The following SCAI variants were observed in gnomAD, a reference collection of about 807,000 sequenced individuals.
SCAI encodes the protein suppressor of cancer cell invasion.
SCAI carries 24 observed loss-of-function variants against 92.2 expected under a neutral mutation model. That is an observed-to-expected ratio of 0.26 (90% CI 0.19 to 0.37). The LOEUF (loss-of-function observed/expected upper bound fraction) is 0.37, where lower values mean the gene tolerates loss of function less well. SCAI is among the 10% of genes least tolerant of loss of function. The pLI is 1.00. For synonymous variants in SCAI, 261 were observed against 258.6 expected, an observed-to-expected ratio of 1.01 and a Z score of -0.09; for missense variants, 450 against 736.2, an observed-to-expected ratio of 0.61 and a Z score of 4.50.
At chr9:125,108,043 G>A (rs567559461) in intron 2 of SCAI, among the ~76,000 whole-genome samples, 8 of 152,254 alleles carry the variant, frequency 5.3e-5, no homozygotes, top group East Asian at 3.9e-4. Flanking sequence ...TGTGTTGGCC[G>A]GGCTGGTCTC....
At chr9:125,099,850 T>C (rs1307973345) in intron 2 of SCAI, among the ~76,000 whole-genome samples, 1 of 152,280 alleles carries the variant, frequency 6.6e-6, no homozygotes, top group Admixed American at 6.5e-5. Flanking sequence ...ATCCATGTTG[T>C]AGCATGTGTC....
chr9:125,073,092 A>ATTTTTCTT (rs1834010241), intron 2 of SCAI, among the ~76,000 whole-genome samples: 1 of 72,448 alleles, frequency 1.4e-5, no homozygotes, highest in Non-Finnish European at 2.7e-5. Context: ...TCTATTTTTA[A>ATTTTTCTT]TTTTTTTTTT....
intron 15 of SCAI, 34 bp from the exon 16 acceptor site, chr9:124,971,878 T>C (rs754923314): frequency 7.8e-6 from 11 of 1,415,842 alleles, no homozygotes; most frequent in Middle Eastern, 3.7e-4. Context: ...ATATAGACAA[T>C]AGTTTTGCAA....
At chr9:125,004,670 T>A (rs1414669754) in intron 9 of SCAI, among the ~76,000 whole-genome samples, 1 of 142,620 alleles carries the variant, frequency 7.0e-6, no homozygotes, top group Non-Finnish European at 1.5e-5. Context: ...ATAGTAATCC[T>A]TGCTACATGA....
chr9:125,036,180 T>C (rs896849619), intron 3 of SCAI, among the ~76,000 whole-genome samples: 1 of 152,010 alleles, frequency 6.6e-6, no homozygotes, highest in Non-Finnish European at 1.5e-5. Context: ...AAATGAATAA[T>C]GGGAAAACCG....
At chr9:125,027,712 G>T (rs374881512) in intron 5 of SCAI, among the ~76,000 whole-genome samples, 40 of 152,140 alleles carry the variant, frequency 2.6e-4, no homozygotes, top group African/African-American at 8.9e-4. Context: ...TAGTAGAGAC[G>T]GGGTTTCACT....
In SCAI at chr9:124,942,838, C is replaced by A. The variant is rs1831080173; in HGVS notation, c.*9969G>T. On this transcript the variant is annotated 3_prime_UTR_variant, in exon 18 of 18. Coordinates refer to ENST00000336505, the MANE Select transcript of SCAI (RefSeq NM_001144877.3). ...ACGTTTCAGTTTTCATCCTCTAGTACTGAAGTGCCCTCAAGGTGGTAGGCA... is the reference window on the plus strand; with the variant it reads ...ACGTTTCAGTTTTCATCCTCTAGTAATGAAGTGCCCTCAAGGTGGTAGGCA... 1 of 152,178 alleles carries A rather than the reference C, an allele frequency of 6.6e-6. No homozygotes were observed. Among genetic ancestry groups the A allele is most frequent in the African/African-American group, 2.4e-5 (1 of 41,442 alleles). The allele number at this position is 152,178 out of a possible 1,614,324, so 9.4% of individuals were successfully genotyped here.
chr9:124,957,625 C>T (rs1439776423), intron 17 of SCAI, among the ~76,000 whole-genome samples: 2 of 150,956 alleles, frequency 1.3e-5, no homozygotes, highest in African/African-American at 2.4e-5. Flanking sequence ...CCGCCTCTGC[C>T]TCCCAAAGTG....
intron 2 of SCAI, among the ~76,000 whole-genome samples, chr9:125,062,186 C>A (rs977146394): frequency 6.6e-6 from 1 of 151,122 alleles, no homozygotes; most frequent in Admixed American, 6.6e-5. Flanking sequence ...TGTGCAGTGG[C>A]GTGATCATGG....
chr9:124,948,515 G>A lies in SCAI; in HGVS notation c.*4292C>T, dbSNP rs1028065640. 5.3e-5 allele frequency: 8 copies of A among 152,312 alleles called. No individual in the cohort carries two copies. Among genetic ancestry groups the A allele is most frequent in the Admixed American group, 2.0e-4 (3 of 15,306 alleles). The allele number at this position is 152,312 out of a possible 1,614,324, so 9.4% of individuals were successfully genotyped here. On this transcript the variant is annotated 3_prime_UTR_variant, in exon 18 of 18. Transcript: ENST00000336505. ...TATTCTTTCTTGTTCATTATAGAAA[G>A]CAGTCTGAGCTACTGAGAAGACTGG...
intron 15 of SCAI, among the ~76,000 whole-genome samples, chr9:124,975,907 T>C (rs931522339): frequency 6.6e-6 from 1 of 152,176 alleles, no homozygotes; most frequent in Non-Finnish European, 1.5e-5. Context: ...CAGGGATGAA[T>C]TATTTCAAGG....
chr9:124,996,786 C>T (rs1003936667), intron 13 of SCAI, among the ~76,000 whole-genome samples: 10 of 152,018 alleles, frequency 6.6e-5, no homozygotes, highest in African/African-American at 2.4e-4. Flanking sequence ...CATGCCACCA[C>T]ACCCGGCTAA....
chr9:125,073,355 C>T (rs1834020797), intron 2 of SCAI, among the ~76,000 whole-genome samples: 1 of 151,712 alleles, frequency 6.6e-6, no homozygotes, highest in Non-Finnish European at 1.5e-5. Context: ...CCACCCGCCT[C>T]GGCCTCCCAA....
At chr9:125,038,806 T>C (rs1395289137) in intron 3 of SCAI, among the ~76,000 whole-genome samples, 1 of 152,234 alleles carries the variant, frequency 6.6e-6, no homozygotes, top group Non-Finnish European at 1.5e-5. Flanking sequence ...TGTCTAAGTA[T>C]CAGTTCTACT....
At chr9:124,959,618 T>C (rs1242372741) in intron 17 of SCAI, among the ~76,000 whole-genome samples, 1 of 151,852 alleles carries the variant, frequency 6.6e-6, no homozygotes, top group East Asian at 1.9e-4. Flanking sequence ...ATGTGCCATG[T>C]TGGTGTGCTG....
At chr9:125,001,854 G>A in intron 12 of SCAI, 111 bp downstream of exon 12, 1 of 647,936 alleles carries the variant, frequency 1.5e-6, no homozygotes, top group Non-Finnish European at 2.7e-6. Flanking sequence ...TTTCAAATTT[G>A]GAAGTCTGTC....
chr9:124,992,295 T>C (rs1038549531), intron 14 of SCAI, among the ~76,000 whole-genome samples: 4 of 152,076 alleles, frequency 2.6e-5, no homozygotes, highest in African/African-American at 9.7e-5. Context: ...TTAAATTAAA[T>C]GTAGTAAGTA....
At chr9:125,106,440 T>G (rs989039974) in intron 2 of SCAI, among the ~76,000 whole-genome samples, 1 of 151,836 alleles carries the variant, frequency 6.6e-6, no homozygotes, top group Non-Finnish European at 1.5e-5. Context: ...TTGGCACATG[T>G]AAACTGCTGC....
chr9:125,123,842 G>A (rs960058794), intron 2 of SCAI, among the ~76,000 whole-genome samples: 7 of 152,196 alleles, frequency 4.6e-5, no homozygotes, highest in East Asian at 3.8e-4. Context: ...AGGAAACCAC[G>A]TGTGAGCACC....
Sources: allele counts gnomAD v4.1 joint callset (sites outside exome capture counted in the v4.1 genomes callset), GRCh38; gene constraint gnomAD v4.1.1; transcripts MANE v1.5; gene names NCBI Gene and HGNC (gene_info 2026-07-23, HGNC 2026-07-21).